The following AGBL4 variants were observed in gnomAD, a reference collection of about 807,000 sequenced individuals.
AGBL4 encodes the protein AGBL carboxypeptidase 4.
AGBL4 carries 58 observed loss-of-function variants against 66.4 expected under a neutral mutation model. The ratio of observed to expected loss-of-function variants is 0.87; its 90% CI spans 0.71 to 1.09. The LOEUF (loss-of-function observed/expected upper bound fraction) is 1.09. Among genes scored for constraint, AGBL4 ranks in the 50% least tolerant of loss-of-function variants. The pLI is 0.00. For missense variants in AGBL4, 579 were observed against 631.0 expected, an observed-to-expected ratio of 0.92 and a Z score of 0.88; for synonymous variants, 234 against 222.9, an observed-to-expected ratio of 1.05 and a Z score of -0.44.
At chr1:48,935,076 G>C (rs1364540560) in intron 5 of AGBL4, among the ~76,000 whole-genome samples, 1 of 152,126 alleles carries the variant, frequency 6.6e-6, no homozygotes, top group Non-Finnish European at 1.5e-5. Context: ...TTTGGTTATA[G>C]CCTGCTGAGC....
At chr1:48,873,054 G>A (rs1056260053) in intron 5 of AGBL4, among the ~76,000 whole-genome samples, 1 of 152,114 alleles carries the variant, frequency 6.6e-6, no homozygotes, top group Non-Finnish European at 1.5e-5. Context: ...CCAGTTTCTA[G>A]TTTTCTTTCC....
chr1:50,008,401 T>C (rs72686785), intron 1 of AGBL4, among the ~76,000 whole-genome samples: 18,668 of 152,134 alleles, frequency 0.12, 1,480 homozygotes, highest in Non-Finnish European at 0.18. Flanking sequence ...AATTAAACAC[T>C]GCTCCTAAAT....
Position 49,738,171 on chromosome 1 carries a change from G to A in AGBL4, c.158-40734C>T, listed in dbSNP as rs117081834. Among the ~76,000 whole-genome samples the A allele has an allele frequency of 8.0e-3, 1,219 of 152,348 alleles. 9 individuals are homozygous for A. The highest frequency in any genetic ancestry group is 0.031 in the Middle Eastern group (9 of 294). On this transcript the variant is annotated intron_variant, in intron 2 of 13. Transcript: ENST00000371839. ...CCCTTTCCTAGCCAAGGACAGCGGT[G>A]ACTGAAGGCACCTGGAAAATTGGGT... is the stretch of plus-strand genomic sequence containing the variant.
At chr1:49,434,708 C>CTGGTGGTGGTGGTGG (rs886754094) in intron 3 of AGBL4, among the ~76,000 whole-genome samples, 2 of 143,718 alleles carry the variant, frequency 1.4e-5, no homozygotes, top group African/African-American at 2.6e-5. Context: ...GGTGGTGGTG[C>CTGGTGGTGGTGGTGG]TGGTGGTGGT....
At chr1:49,956,480 G>C (rs958718878) in intron 1 of AGBL4, among the ~76,000 whole-genome samples, 12 of 151,870 alleles carry the variant, frequency 7.9e-5, no homozygotes, top group African/African-American at 2.9e-4. Context: ...TAGGTATTAA[G>C]TATTTCATAA....
chr1:49,111,199 C>T (rs181477181), intron 4 of AGBL4, among the ~76,000 whole-genome samples: 3 of 149,970 alleles, frequency 2.0e-5, no homozygotes, highest in Non-Finnish European at 3.0e-5. Flanking sequence ...CTGCAAGTTT[C>T]GCCTCCCAGG....
intron 1 of AGBL4, among the ~76,000 whole-genome samples, chr1:49,889,977 GA>G (rs1648473265): frequency 6.6e-6 from 1 of 152,170 alleles, no homozygotes; most frequent in Non-Finnish European, 1.5e-5. Context: ...TAAGTTTAAA[GA>G]GGTGAAAATT....
chr1:48,534,752 G>A, intron 13 of AGBL4, 138 bp downstream of exon 13: 2 of 846,976 alleles, frequency 2.4e-6, no homozygotes, highest in Non-Finnish European at 3.7e-6. Context: ...CCACCAGGAA[G>A]CCTCACTGCC....
intron 3 of AGBL4, among the ~76,000 whole-genome samples, chr1:49,618,350 T>TTCTACCAGAGGTACAAAGAGGAGGTGGTA (rs1257901476): frequency 5.3e-4 from 70 of 132,228 alleles, no homozygotes; most frequent in South Asian, 1.1e-3. Context: ...TGATGTATAA[T>TTCTACCAGAGGTACAAAGAGGAGGTGGTA]CCTTTGGGTA....
intron 5 of AGBL4, among the ~76,000 whole-genome samples, chr1:48,977,830 T>G (rs1659460268): frequency 1.3e-5 from 2 of 152,150 alleles, no homozygotes; most frequent in Non-Finnish European, 1.5e-5. Context: ...GCGAAGCTTT[T>G]TAGTGCATCT....
At chr1:49,426,457 T>C (rs1645661518) in intron 3 of AGBL4, among the ~76,000 whole-genome samples, 1 of 152,228 alleles carries the variant, frequency 6.6e-6, no homozygotes, top group South Asian at 2.1e-4. Context: ...TTTAAACTTT[T>C]CTGTTAACTA....
chr1:49,491,269 T>C (rs1179073278), intron 3 of AGBL4, among the ~76,000 whole-genome samples: 1 of 151,822 alleles, frequency 6.6e-6, no homozygotes, highest in Admixed American at 6.6e-5. Flanking sequence ...TTTAGGCCTT[T>C]CCTGCAGATA....
chr1:49,098,967 C>T (rs778176620), intron 4 of AGBL4, among the ~76,000 whole-genome samples: 1 of 152,088 alleles, frequency 6.6e-6, no homozygotes, highest in Non-Finnish European at 1.5e-5. Flanking sequence ...ATATAATTTC[C>T]GGCACGAGGT....
At chr1:49,657,431 C>T (rs1469798294) in intron 3 of AGBL4, among the ~76,000 whole-genome samples, 3 of 152,120 alleles carry the variant, frequency 2.0e-5, no homozygotes, top group African/African-American at 4.8e-5. Flanking sequence ...GGCCATACTG[C>T]CCAAGGTAAT....
chr1:49,933,571 T>C (rs766291281), intron 1 of AGBL4, among the ~76,000 whole-genome samples: 3 of 151,966 alleles, frequency 2.0e-5, no homozygotes, highest in Non-Finnish European at 4.4e-5. Context: ...AAAAACAATA[T>C]TAAGAACTAT....
intron 3 of AGBL4, among the ~76,000 whole-genome samples, chr1:49,513,698 C>T (rs1318040238): frequency 5.3e-5 from 8 of 151,978 alleles, no homozygotes; most frequent in Admixed American, 5.3e-4. Flanking sequence ...ACTCAACAGT[C>T]TTCTTTATGG....
chr1:49,552,371 C>T (rs968055293), intron 3 of AGBL4, among the ~76,000 whole-genome samples: 1 of 152,182 alleles, frequency 6.6e-6, no homozygotes, highest in Admixed American at 6.5e-5. Flanking sequence ...ATTTTCTTCT[C>T]CCTGTGGTGT....
chr1:48,841,048 T>C (rs1373876804), intron 6 of AGBL4, among the ~76,000 whole-genome samples: 1 of 152,192 alleles, frequency 6.6e-6, no homozygotes, highest in Non-Finnish European at 1.5e-5. Context: ...TCCATGTTTA[T>C]GACACTCTTA....
intron 3 of AGBL4, among the ~76,000 whole-genome samples, chr1:49,442,850 A>G (rs1217139603): frequency 1.3e-5 from 2 of 152,184 alleles, no homozygotes; most frequent in African/African-American, 4.8e-5. Context: ...TCTTTGAGAA[A>G]TATCCATACT....
Sources: gnomAD v4.1 joint callset for allele counts (sites outside exome capture counted in the v4.1 genomes callset) on GRCh38, gnomAD v4.1.1 for gene constraint, MANE v1.5 for transcripts, NCBI Gene and HGNC (gene_info 2026-07-23, HGNC 2026-07-21) for gene names.